The following ECHDC1 variants were observed in gnomAD, a reference collection of about 807,000 sequenced individuals.
ECHDC1 encodes ethylmalonyl-CoA decarboxylase 1.
Under a neutral mutation model 29.7 loss-of-function variants are expected in ECHDC1, and 29 were observed. The observed-to-expected ratio is 0.98, with a 90% CI of 0.73 to 1.33. The LOEUF (loss-of-function observed/expected upper bound fraction) is 1.33, where lower values mean the gene tolerates loss of function less well. Among genes scored for constraint, ECHDC1 ranks in the 40% most tolerant of loss-of-function variants. ECHDC1 has a pLI of 0.00. For missense variants in ECHDC1, 328 were observed against 350.0 expected (o/e 0.94, Z 0.50); for synonymous variants, 126 against 123.1 (o/e 1.02, Z -0.15).
At chr6:127,327,460 A>G (rs148600839) in intron 2 of ECHDC1, among the ~76,000 whole-genome samples, 75 of 152,334 alleles carry the variant, frequency 4.9e-4, no homozygotes, top group African/African-American at 1.7e-3. Flanking sequence ...CGATATGGTA[A>G]TAAGAAAAAA....
chr6:127,322,042 A>G (rs1782870497), intron 3 of ECHDC1, among the ~76,000 whole-genome samples: 1 of 152,068 alleles, frequency 6.6e-6, no homozygotes, highest in African/African-American at 2.4e-5. Flanking sequence ...CTGGTGGTTC[A>G]TGCCTGTAAT....
chr6:127,302,960 CT>C (rs1003895164), intron 5 of ECHDC1, among the ~76,000 whole-genome samples: 3 of 151,838 alleles, frequency 2.0e-5, no homozygotes, highest in African/African-American at 7.3e-5. Context: ...TATAAAATAA[CT>C]TTTTTTTATT....
At chr6:127,297,286 A>T (rs1780688304) in intron 5 of ECHDC1, among the ~76,000 whole-genome samples, 1 of 152,260 alleles carries the variant, frequency 6.6e-6, no homozygotes, top group African/African-American at 2.4e-5. Flanking sequence ...CATTAGTATT[A>T]CTAAAAAGTA....
Position 127,330,924 on chromosome 6 carries a change from T to C in ECHDC1, c.105A>G (p.Glu35=). 4 of 1,614,174 alleles carry C rather than the reference T, an allele frequency of 2.5e-6. No individual in the cohort carries two copies. The highest frequency in any genetic ancestry group is 3.4e-6 in the Non-Finnish European group (4 of 1,180,014). Residue 35 remains glutamate (E), a synonymous_variant, in exon 2 of 6, where the codon GAA becomes GAG. Coordinates refer to ENST00000454859, the MANE Select transcript of ECHDC1 (RefSeq NM_001002030.2). The part of the protein sequence containing the change: ...LYSTSHGFYE[E]EVKKTLQQFP... ...ACTGCTGAAGTGTTTTTTTCACTTCTTCCTCATAAAATCCATGGGATGTAC... is the reference window on the plus strand; with the variant it reads ...ACTGCTGAAGTGTTTTTTTCACTTCCTCCTCATAAAATCCATGGGATGTAC...
chr6:127,316,321 AT>A, intron 4 of ECHDC1, 128 bp downstream of exon 4: 1 of 723,176 alleles, frequency 1.4e-6, no homozygotes, highest in East Asian at 2.8e-5. Flanking sequence ...GCACAAAAAA[AT>A]AGTACATCAT....
At position 127,327,064 on chromosome 6, in the gene ECHDC1, C is replaced by A; in HGVS notation, c.301G>T (p.Ala101Ser). 1.2e-6 allele frequency: 2 copies of A among 1,613,364 alleles called. No individual in the cohort carries two copies. The highest frequency in any genetic ancestry group is 1.7e-6 in the Non-Finnish European group (2 of 1,179,706). Residue 101 changes from alanine (A) to serine (S), a missense_variant, in exon 3 of 6, where the codon GCA becomes TCA. Transcript: ENST00000454859. ...GATCCTGAAGAGAAAGTATTTTTTG[C>A]CCCACGGACAATGAGGCCTTTCCCC... ...TEGKGLIVRG[A>S]KNTFSSGSDL...
intron 5 of ECHDC1, among the ~76,000 whole-genome samples, chr6:127,312,794 G>A (rs1782047896): frequency 6.6e-6 from 1 of 152,032 alleles, no homozygotes; most frequent in Non-Finnish European, 1.5e-5. Context: ...ATAAATCTCA[G>A]AAACAAACTT....
chr6:127,298,413 C>T (rs1780787383), intron 5 of ECHDC1, among the ~76,000 whole-genome samples: 1 of 151,918 alleles, frequency 6.6e-6, no homozygotes, highest in Non-Finnish European at 1.5e-5. Context: ...AGATTTTTCT[C>T]TATTTTCCCA....
chr6:127,326,577 G>A (rs755438751), intron 3 of ECHDC1: 6 of 416,278 alleles, frequency 1.4e-5, no homozygotes, highest in Non-Finnish European at 2.5e-5. Context: ...CAACTTTCCT[G>A]TAAATTTAAA....
Position 127,337,906 on chromosome 6 carries a change from C to T in ECHDC1, c.-3+5430G>A, listed in dbSNP as rs9491736. On this transcript the variant is annotated intron_variant, in intron 1 of 5. Transcript: ENST00000454859. ...CAAAATATATCATTCAAAATGAATT[C>T]TGAAGCTTTCTTTACTTTTTTAAAG... is the stretch of plus-strand genomic sequence containing the variant. 2.7e-3 allele frequency among the ~76,000 whole-genome samples: 411 copies of T among 152,264 alleles called. 5 individuals are homozygous for T. The highest frequency in any genetic ancestry group is 9.2e-3 in the African/African-American group (383 of 41,552).
intron 1 of ECHDC1, chr6:127,342,382 A>C: frequency 1.3e-6 from 2 of 1,547,490 alleles, no homozygotes; most frequent in Non-Finnish European, 8.7e-7. Flanking sequence ...GCTTCTTCAC[A>C]GGCTGGCTTC....
intron 5 of ECHDC1, among the ~76,000 whole-genome samples, chr6:127,304,997 A>T (rs1395239905): frequency 1.3e-5 from 2 of 152,224 alleles, no homozygotes; most frequent in Non-Finnish European, 2.9e-5. Flanking sequence ...AAGTTTATTC[A>T]AAGGAATAAT....
intron 1 of ECHDC1, chr6:127,342,776 TC>T (rs1187042953): frequency 2.3e-5 from 4 of 172,736 alleles, no homozygotes; most frequent in African/African-American, 9.4e-5. Context: ...ACACGTGTAA[TC>T]CCTGTATGTG....
In ECHDC1 at chr6:127,316,389, A is replaced by G. The variant is rs1423131684; in HGVS notation, c.416+61T>C. 3 of 1,375,606 alleles carry G rather than the reference A, an allele frequency of 2.2e-6. No homozygotes were observed. In the Admixed American group the frequency reaches 6.2e-5, roughly 28 times the overall value. The allele number at this position is 1,375,606 out of a possible 1,614,324, so 85.2% of individuals were successfully genotyped here. On this transcript the variant is annotated intron_variant, in intron 4 of 5. Coordinates refer to ENST00000454859, the MANE Select transcript of ECHDC1 (RefSeq NM_001002030.2). ...ATTTCTTAACTAGTACAAATAATGG[A>G]ATAGCAAAAAGCTATTTTTGGTCTT... is the stretch of plus-strand genomic sequence containing the variant.
intron 2 of ECHDC1, among the ~76,000 whole-genome samples, chr6:127,328,513 CT>C (rs2114672157): frequency 1.3e-5 from 2 of 152,274 alleles, no homozygotes; most frequent in Admixed American, 1.3e-4. Flanking sequence ...ACAGAGTCAC[CT>C]AACATATTTC....
chr6:127,325,553 T>C (rs2114660375), intron 3 of ECHDC1, among the ~76,000 whole-genome samples: 1 of 152,258 alleles, frequency 6.6e-6, no homozygotes, highest in African/African-American at 2.4e-5. Flanking sequence ...CCCTGACATA[T>C]ACACTACCTC....
intron 5 of ECHDC1, among the ~76,000 whole-genome samples, chr6:127,311,129 T>C (rs556175139): frequency 7.9e-5 from 12 of 152,218 alleles, no homozygotes; most frequent in African/African-American, 2.6e-4. Flanking sequence ...AGAGGGGTGG[T>C]CTGGAGGAAA....
At chr6:127,296,421 C>G (rs1312770539) in intron 5 of ECHDC1, among the ~76,000 whole-genome samples, 2 of 152,080 alleles carry the variant, frequency 1.3e-5, no homozygotes, top group Non-Finnish European at 2.9e-5. Context: ...TCTCAAACTC[C>G]TGATCTTGTG....
chr6:127,294,542 GT>G (rs1488146224), intron 5 of ECHDC1: 5 of 152,124 alleles, frequency 3.3e-5, no homozygotes, highest in African/African-American at 9.7e-5. Context: ...GGCTTCATGA[GT>G]TTCCATTCAT....
Sources: allele counts gnomAD v4.1 joint callset (sites outside exome capture counted in the v4.1 genomes callset), GRCh38; gene constraint gnomAD v4.1.1; transcripts MANE v1.5; gene names NCBI Gene and HGNC (gene_info 2026-07-23, HGNC 2026-07-21).